EFR3B: variants seen among roughly 807,000 people sequenced by gnomAD.
The protein encoded by EFR3B is EFR3 homolog B.
In EFR3B, 64 loss-of-function variants were observed where a neutral mutation model predicts 104.7. The ratio of observed to expected loss-of-function variants is 0.61; its 90% CI spans 0.50 to 0.75. EFR3B has a LOEUF of 0.75. Among genes scored for constraint, EFR3B ranks in the 30% least tolerant of loss-of-function variants. The probability of loss-of-function intolerance (pLI) is 0.00; values close to 1 mark genes in which losing one functional copy is unlikely to be tolerated. For synonymous variants in EFR3B, 385 were observed against 417.9 expected (o/e 0.92, Z 0.96); for missense variants, 750 against 1,078.5 (o/e 0.70, Z 4.27).
At chr2:25,090,381 T>C (rs1669079951) in intron 1 of EFR3B, among the ~76,000 whole-genome samples, 1 of 152,256 alleles carries the variant, frequency 6.6e-6, no homozygotes, top group Non-Finnish European at 1.5e-5. Flanking sequence ...TAAAACTTTT[T>C]ATGGTGAGAC....
intron 6 of EFR3B, among the ~76,000 whole-genome samples, chr2:25,128,876 C>T (rs1468641436): frequency 7.3e-6 from 1 of 137,526 alleles, no homozygotes; most frequent in African/African-American, 2.7e-5. Context: ...GGCAGGAGAA[C>T]GGGAGCCCGG....
At position 25,088,334 on chromosome 2, in the gene EFR3B, C is replaced by G. The variant is rs1669016698; in HGVS notation, c.8-2991C>G. Among the ~76,000 whole-genome samples, 2 of 152,132 alleles carry G rather than the reference C, an allele frequency of 1.3e-5. 1 individual carries two copies. Among genetic ancestry groups the G allele is most frequent in the Non-Finnish European group, 2.9e-5 (2 of 68,028 alleles). On this transcript the variant is annotated intron_variant, in intron 1 of 22. Coordinates refer to ENST00000403714, the MANE Select transcript of EFR3B (RefSeq NM_014971.2). Reference sequence around the variant, plus strand: ...GTTGAGGTCAAGGTATTGTTACTTGCAAGTGTACAGAGCTGCCTTGGGGAA... The same window carrying G: ...GTTGAGGTCAAGGTATTGTTACTTGGAAGTGTACAGAGCTGCCTTGGGGAA...
intron 3 of EFR3B, among the ~76,000 whole-genome samples, chr2:25,095,902 A>G (rs557725609): frequency 2.0e-5 from 3 of 152,314 alleles, no homozygotes; most frequent in African/African-American, 2.4e-5. Flanking sequence ...TCATGCTACA[A>G]TTCAGAGACC....
intron 5 of EFR3B, among the ~76,000 whole-genome samples, chr2:25,125,612 T>G (rs1231607869): frequency 6.6e-6 from 1 of 152,136 alleles, no homozygotes; most frequent in African/African-American, 2.4e-5. Context: ...CAGCCACAGT[T>G]CCTCGGTAAG....
intron 1 of EFR3B, among the ~76,000 whole-genome samples, chr2:25,049,201 T>C (rs1483666107): frequency 6.6e-6 from 1 of 152,232 alleles, no homozygotes; most frequent in African/African-American, 2.4e-5. Flanking sequence ...ACTTGCTAAT[T>C]TGATAGAAAA....
chr2:25,148,025 C>CCAAA (rs1670868789), intron 19 of EFR3B: 1 of 71,632 alleles, frequency 1.4e-5, no homozygotes, highest in African/African-American at 5.5e-5. Context: ...AACTCCATCT[C>CCAAA]AAAAAAAAAA....
intron 1 of EFR3B, among the ~76,000 whole-genome samples, chr2:25,063,880 C>CA (rs376474201): frequency 6.6e-6 from 1 of 152,300 alleles, no homozygotes; most frequent in African/African-American, 2.4e-5. Context: ...GCTGCGTTCT[C>CA]ACTCCATCTG....
intron 1 of EFR3B, among the ~76,000 whole-genome samples, chr2:25,067,436 TTTTG>T (rs1668368622): frequency 6.6e-6 from 1 of 150,900 alleles, no homozygotes; most frequent in Admixed American, 6.6e-5. Context: ...GTTTTTTTTT[TTTTG>T]TTTTTTGTTT....
intron 1 of EFR3B, among the ~76,000 whole-genome samples, chr2:25,077,055 T>C (rs1668649822): frequency 6.6e-6 from 1 of 152,248 alleles, no homozygotes; most frequent in Non-Finnish European, 1.5e-5. Flanking sequence ...ATGAGATACA[T>C]GTCCCGGCCC....
At chr2:25,046,804 A>G (rs1667734080) in intron 1 of EFR3B, among the ~76,000 whole-genome samples, 2 of 152,156 alleles carry the variant, frequency 1.3e-5, no homozygotes, top group African/African-American at 4.8e-5. Flanking sequence ...CGCCCGGCCG[A>G]AGTACAAAGT....
chr2:25,144,935 A>T (rs1573236516), intron 18 of EFR3B, 25 bp from the exon 19 acceptor site: 3 of 1,547,302 alleles, frequency 1.9e-6, no homozygotes, highest in Non-Finnish European at 1.7e-6. Context: ...TGGGAACTAA[A>T]GCCTCTGGGC....
chr2:25,042,661 A>C lies in EFR3B; in HGVS notation c.7+342A>C. 1.9e-6 allele frequency: 2 copies of C among 1,059,652 alleles called. No individual in the cohort carries two copies. The highest frequency in any genetic ancestry group is 2.3e-6 in the Non-Finnish European group (2 of 877,916). The allele number at this position is 1,059,652 out of a possible 1,614,324, so 65.6% of individuals were successfully genotyped here. On this transcript the variant is annotated intron_variant, in intron 1 of 22. Coordinates refer to ENST00000403714, the MANE Select transcript of EFR3B (RefSeq NM_014971.2). This position sits in a 1 kb window ranked among gnomAD's most constrained non-coding sequence, Gnocchi z 5.4. ...TGTGGCAGCATTTGCGGAATTAACA[A>C]AAGCGGTTTGTGCCTGGGAGTTTTC...
chr2:25,052,471 G>T (rs1667897807), intron 1 of EFR3B, among the ~76,000 whole-genome samples: 1 of 151,156 alleles, frequency 6.6e-6, no homozygotes, highest in Non-Finnish European at 1.5e-5. Flanking sequence ...CATTAATTGG[G>T]CACCACTATG....
intron 1 of EFR3B, chr2:25,080,682 G>A (rs1172192994): frequency 1.2e-5 from 9 of 738,862 alleles, no homozygotes. Context: ...CAATGTAGTT[G>A]AGATCTGCCT....
Position 25,130,487 on chromosome 2 carries a change from T to A in EFR3B, c.771-65T>A. 7.2e-7 allele frequency: 1 copy of A among 1,384,742 alleles called. No homozygotes were observed. Among genetic ancestry groups the A allele is most frequent in the Non-Finnish European group, 1.0e-6 (1 of 994,974 alleles). 85.8% of individuals were successfully genotyped at this position (1,384,742 alleles called of 1,614,324 possible). ...AGAAGGTGTCCCTCTGCCTCCAAGCTAATCTCTTCTCCCTAACACTGCCGG... is the reference window on the plus strand; with the variant it reads ...AGAAGGTGTCCCTCTGCCTCCAAGCAAATCTCTTCTCCCTAACACTGCCGG... On this transcript the variant is annotated intron_variant, in intron 7 of 22. Transcript: ENST00000403714. This position sits in a 1 kb window ranked among gnomAD's most constrained non-coding sequence, Gnocchi z 4.6.
intron 16 of EFR3B, among the ~76,000 whole-genome samples, chr2:25,139,439 C>T (rs1383858609): frequency 6.6e-6 from 1 of 152,120 alleles, no homozygotes; most frequent in Non-Finnish European, 1.5e-5. Context: ...TGTCTGCCCC[C>T]TCCACTTCCT....
At chr2:25,152,868 T>C (rs951815182) in intron 21 of EFR3B, among the ~76,000 whole-genome samples, 1 of 152,098 alleles carries the variant, frequency 6.6e-6, no homozygotes, top group African/African-American at 2.4e-5. Context: ...TAGATTTTCC[T>C]GGGCCTGTAT....
rs1670773952 is a variant in EFR3B at position 25,144,959 on chromosome 2, G to A, written c.2051-1G>A. The A allele has an allele frequency of 3.2e-6, 5 of 1,551,642 alleles. No homozygotes were observed. The highest frequency in any genetic ancestry group is 4.4e-6 in the Non-Finnish European group (5 of 1,146,976). Reference sequence around the variant, plus strand: ...AAGCCTCTGGGCTGCTTCTTCCCCAGATGAGGATCGTTTATCCAAGAGGAG... The same window carrying A: ...AAGCCTCTGGGCTGCTTCTTCCCCAAATGAGGATCGTTTATCCAAGAGGAG... On this transcript the variant is annotated splice_acceptor_variant, in intron 18 of 22. Coordinates refer to ENST00000403714, the MANE Select transcript of EFR3B (RefSeq NM_014971.2). LOFTEE classifies it high-confidence loss of function.
intron 3 of EFR3B, among the ~76,000 whole-genome samples, chr2:25,099,672 G>C (rs1194990290): frequency 2.6e-5 from 4 of 151,882 alleles, no homozygotes; most frequent in Non-Finnish European, 5.9e-5. Flanking sequence ...AAATTTAGAA[G>C]TCATGACTGC....
Sources: allele counts gnomAD v4.1 joint callset (sites outside exome capture counted in the v4.1 genomes callset), GRCh38; gene constraint gnomAD v4.1.1; non-coding constraint Gnocchi (gnomAD v3.1); transcripts MANE v1.5; gene names NCBI Gene and HGNC (gene_info 2026-07-23, HGNC 2026-07-21).